The following RBFOX1 variants were observed in gnomAD, a reference collection of about 807,000 sequenced individuals.
RBFOX1 encodes RNA binding protein fox-1 homolog 1.
In RBFOX1, 8 loss-of-function variants were observed where a neutral mutation model predicts 57.7. That is an observed-to-expected ratio of 0.14 (90% CI 0.08 to 0.25). The LOEUF (loss-of-function observed/expected upper bound fraction) is 0.25, where lower values mean the gene tolerates loss of function less well. Among genes scored for constraint, RBFOX1 ranks in the 10% least tolerant of loss-of-function variants. The probability of loss-of-function intolerance (pLI) is 1.00; values close to 1 mark genes in which losing one functional copy is unlikely to be tolerated. For missense variants in RBFOX1, 611 were observed against 548.5 expected (o/e 1.11, Z -1.14); for synonymous variants, 326 against 222.4 (o/e 1.47, Z -4.15).
chr16:6,649,974 G>T (rs925011139), intron 2 of RBFOX1, among the ~76,000 whole-genome samples: 1 of 152,064 alleles, frequency 6.6e-6, no homozygotes, highest in East Asian at 1.9e-4. Context: ...TATAAAAGTG[G>T]GGTATTCAGT....
intron 3 of RBFOX1, among the ~76,000 whole-genome samples, chr16:6,754,071 A>G (rs756718605): frequency 4.6e-5 from 7 of 152,200 alleles, no homozygotes; most frequent in Admixed American, 2.0e-4. Context: ...ATAAAAAAAT[A>G]AAGACACCCA....
At chr16:7,170,991 C>T (rs1049356287) in intron 4 of RBFOX1, among the ~76,000 whole-genome samples, 8 of 152,174 alleles carry the variant, frequency 5.3e-5, no homozygotes, top group African/African-American at 1.9e-4. Context: ...CACACTCTCC[C>T]GTCTTGCTCC....
intron 4 of RBFOX1, among the ~76,000 whole-genome samples, chr16:7,464,728 G>A (rs1288382512): frequency 2.9e-5 from 3 of 103,604 alleles, no homozygotes; most frequent in African/African-American, 1.2e-4. Context: ...ACAGAGTCTT[G>A]CTCTGTCGCC....
chr16:5,801,325 C>T (rs2055047882), intron 3 of RBFOX1, among the ~76,000 whole-genome samples: 2 of 147,712 alleles, frequency 1.4e-5, no homozygotes, highest in Non-Finnish European at 3.0e-5. Flanking sequence ...ATCTGCCTCT[C>T]TCTCCCTCCC....
At chr16:6,230,683 G>C (rs2097452351) in intron 1 of RBFOX1, among the ~76,000 whole-genome samples, 1 of 152,170 alleles carries the variant, frequency 6.6e-6, no homozygotes, top group Admixed American at 6.6e-5. Context: ...AATTCAAGGG[G>C]ACCTTCATTT....
chr16:7,223,379 C>G (rs557752007), intron 4 of RBFOX1, among the ~76,000 whole-genome samples: 4 of 152,284 alleles, frequency 2.6e-5, no homozygotes, highest in South Asian at 2.1e-4. Context: ...TTTGGTAAGT[C>G]TCTTTGGTGG....
chr16:6,873,244 T>C (rs1190744670), intron 3 of RBFOX1, among the ~76,000 whole-genome samples: 4 of 151,998 alleles, frequency 2.6e-5, no homozygotes, highest in Non-Finnish European at 5.9e-5. Flanking sequence ...ACGTATGAAA[T>C]GGATTTTTAA....
At chr16:6,139,273 G>A (rs1295100801) in intron 1 of RBFOX1, among the ~76,000 whole-genome samples, 1 of 152,136 alleles carries the variant, frequency 6.6e-6, no homozygotes, top group African/African-American at 2.4e-5. Context: ...TTATTTTCCT[G>A]AGTGATACGA....
At chr16:6,838,834 C>T (rs4129925) in intron 3 of RBFOX1, among the ~76,000 whole-genome samples, 10,233 of 152,140 alleles carry the variant, frequency 0.067, 510 homozygotes, top group Non-Finnish European at 0.11. Flanking sequence ...TTCTCAGGTG[C>T]TTCCCCGTCA....
chr16:6,074,386 G>A (rs896686719), intron 1 of RBFOX1, among the ~76,000 whole-genome samples: 1 of 152,152 alleles, frequency 6.6e-6, no homozygotes, highest in African/African-American at 2.4e-5. Flanking sequence ...GATATTTTCT[G>A]GAATGACTGG....
At chr16:5,719,329 G>C (rs2051841147) in intron 3 of RBFOX1, among the ~76,000 whole-genome samples, 1 of 150,516 alleles carries the variant, frequency 6.6e-6, no homozygotes, top group Non-Finnish European at 1.5e-5. Flanking sequence ...AGCCTCCCGA[G>C]TAACTGGGAC....
intron 4 of RBFOX1, among the ~76,000 whole-genome samples, chr16:7,407,120 T>C (rs1366724331): frequency 1.3e-5 from 2 of 152,214 alleles, no homozygotes; most frequent in East Asian, 3.9e-4. Context: ...GTTACATGAG[T>C]CACCTTTAGT....
At chr16:6,653,989 A>ATGGATGGG (rs1555655708) in intron 2 of RBFOX1, among the ~76,000 whole-genome samples, 1,820 of 148,086 alleles carry the variant, frequency 0.012, 45 homozygotes, top group African/African-American at 0.042. Context: ...GGATGGATGG[A>ATGGATGGG]TGGATGGATG....
intron 2 of RBFOX1, among the ~76,000 whole-genome samples, chr16:6,388,104 C>T (rs144142989): frequency 0.14 from 20,681 of 151,142 alleles, 1,758 homozygotes; most frequent in African/African-American, 0.23. Flanking sequence ...CTCAGCCTCC[C>T]GAGTAGCTGG....
chr16:7,037,490 A>C (rs578102919), intron 3 of RBFOX1, among the ~76,000 whole-genome samples: 1 of 152,260 alleles, frequency 6.6e-6, no homozygotes, highest in Admixed American at 6.5e-5. Context: ...GCTGTCTGCT[A>C]AATATCTAAG....
intron 2 of RBFOX1, among the ~76,000 whole-genome samples, chr16:6,455,404 G>A (rs1217505936): frequency 6.6e-6 from 1 of 152,168 alleles, no homozygotes; most frequent in Admixed American, 6.5e-5. Context: ...AGGCTGCAGA[G>A]AGAAGGCATT....
At chr16:7,118,743 C>G (rs890886761) in intron 4 of RBFOX1, among the ~76,000 whole-genome samples, 11 of 152,040 alleles carry the variant, frequency 7.2e-5, no homozygotes, top group Non-Finnish European at 1.5e-4. Flanking sequence ...GAAGAATCCT[C>G]AAGGATGCAC....
intron 3 of RBFOX1, among the ~76,000 whole-genome samples, chr16:6,733,284 G>T (rs1321708800): frequency 1.3e-5 from 2 of 152,044 alleles, no homozygotes; most frequent in Admixed American, 1.3e-4. Flanking sequence ...AAACAAATAT[G>T]ACTTGGGATG....
intron 2 of RBFOX1, among the ~76,000 whole-genome samples, chr16:6,543,630 T>C (rs1470401348): frequency 1.3e-5 from 2 of 152,048 alleles, no homozygotes; most frequent in African/African-American, 2.4e-5. Flanking sequence ...GCCCTCCCGG[T>C]CTGGAAGATT....
Sources: gnomAD v4.1 joint callset for allele counts (sites outside exome capture counted in the v4.1 genomes callset) on GRCh38, gnomAD v4.1.1 for gene constraint, MANE v1.5 for transcripts, NCBI Gene and HGNC (gene_info 2026-07-23, HGNC 2026-07-21) for gene names.